The following IQSEC1 variants were observed in gnomAD, a reference collection of about 807,000 sequenced individuals.
IQSEC1 encodes IQ motif and Sec7 domain ArfGEF 1, also known as IQ motif and SEC7 domain-containing protein 1.
A neutral mutation model predicts 91.0 loss-of-function variants in IQSEC1; 31 were observed. The ratio of observed to expected loss-of-function variants is 0.34; its 90% CI spans 0.26 to 0.46. The LOEUF (loss-of-function observed/expected upper bound fraction) is 0.46, where lower values mean the gene tolerates loss of function less well. IQSEC1 is among the 20% of genes least tolerant of loss of function. The pLI is 1.00. For missense variants in IQSEC1, 1,388 were observed against 1,575.6 expected (o/e 0.88, Z 2.02); for synonymous variants, 699 against 662.6 (o/e 1.05, Z -0.84).
rs1251861663 is a variant in IQSEC1 at position 12,901,310 on chromosome 3, G to C, written c.3018C>G (p.His1006Gln). 6.5e-7 allele frequency: 1 copy of C among 1,544,448 alleles called. No homozygotes were observed. The highest frequency in any genetic ancestry group is 8.7e-7 in the Non-Finnish European group (1 of 1,145,042). The change falls in exon 14 of 14, where the codon CAC (histidine) becomes CAG (glutamine). Residue 1006 changes from histidine (H) to glutamine (Q), a missense_variant. Physicochemically the swap from His to Gln is conservative, Grantham distance 24 (BLOSUM62 0). Around this residue, in one of 2 missense-constraint regions of IQSEC1, gnomAD observed 329 missense variants for 257.8 expected, o/e 1.28. Coordinates refer to ENST00000613206, the MANE Select transcript of IQSEC1 (RefSeq NM_001134382.3). ...HPPVVLPHLQ[H>Q]SVAGHHLGPP... ...GCCCCAGGTGGTGGCCAGCCACAGAGTGCTGCAAGTGAGGCAGGACCACCG... is the reference window on the plus strand; with the variant it reads ...GCCCCAGGTGGTGGCCAGCCACAGACTGCTGCAAGTGAGGCAGGACCACCG...
chr3:13,152,206 A>C (rs1433484386), intron 2 of IQSEC1, among the ~76,000 whole-genome samples: 1 of 152,192 alleles, frequency 6.6e-6, no homozygotes, highest in East Asian at 1.9e-4. Context: ...GAAACTGTGA[A>C]ATCTTTTTAG....
chr3:13,022,598 CG>C, intron 1 of IQSEC1: 1 of 284,518 alleles, frequency 3.5e-6, no homozygotes, highest in Non-Finnish European at 5.3e-6. Flanking sequence ...GAGAGGGAGG[CG>C]GGCGGGGAGG....
At chr3:13,037,974 G>T (rs1461913799) in intron 1 of IQSEC1, among the ~76,000 whole-genome samples, 1 of 151,996 alleles carries the variant, frequency 6.6e-6, no homozygotes, top group East Asian at 1.9e-4. Context: ...CCACTGAATT[G>T]TACAATGGTT....
At chr3:13,104,579 C>T (rs1329071361) in intron 2 of IQSEC1, among the ~76,000 whole-genome samples, 1 of 152,196 alleles carries the variant, frequency 6.6e-6, no homozygotes, top group East Asian at 1.9e-4. Flanking sequence ...ATCCTCTTTC[C>T]CCTGTGCACG....
chr3:12,924,227 G>C lies in IQSEC1; in HGVS notation c.1730+354C>G, dbSNP rs780786096. ...CCTGCTCCTGCCAGCCCTGCCATGA[G>C]AAGCTGCAGGAACATGGGTCACTGA... On this transcript the variant is annotated intron_variant, in intron 4 of 13. Coordinates refer to ENST00000613206, the MANE Select transcript of IQSEC1 (RefSeq NM_001134382.3). The surrounding 1 kb of genome is among the most constrained non-coding windows in gnomAD (Gnocchi z 6.3). Among the ~76,000 whole-genome samples, 6 of 152,206 alleles carry C rather than the reference G, an allele frequency of 3.9e-5. No individual in the cohort carries two copies. Among genetic ancestry groups the C allele is most frequent in the Non-Finnish European group, 7.3e-5 (5 of 68,036 alleles).
At chr3:12,945,870 G>A (rs893283648) in intron 1 of IQSEC1, among the ~76,000 whole-genome samples, 6 of 152,218 alleles carry the variant, frequency 3.9e-5, no homozygotes, top group Non-Finnish European at 8.8e-5. Context: ...TCTGCTGCTA[G>A]GAGTATAAAT....
chr3:12,998,179 G>A (rs565941657), intron 1 of IQSEC1, among the ~76,000 whole-genome samples: 168 of 152,168 alleles, frequency 1.1e-3, no homozygotes, highest in African/African-American at 3.8e-3. Context: ...GCAAAACACC[G>A]TCTCTACTAA....
intron 2 of IQSEC1, among the ~76,000 whole-genome samples, chr3:13,161,352 G>T (rs964068716): frequency 2.0e-5 from 3 of 152,208 alleles, no homozygotes; most frequent in Non-Finnish European, 4.4e-5. Flanking sequence ...CTCCCCTCTA[G>T]CGGGTCTGGA....
At chr3:12,964,728 TCCTTAAGTCTCAAGCTGC>T (rs1339549529) in intron 1 of IQSEC1, among the ~76,000 whole-genome samples, 1 of 152,114 alleles carries the variant, frequency 6.6e-6, no homozygotes, top group East Asian at 1.9e-4. Flanking sequence ...GGCCCTTCTT[TCCTTAAGTCTCAAGCTGC>T]CCTGGATTCC....
intron 1 of IQSEC1, among the ~76,000 whole-genome samples, chr3:13,040,172 G>A (rs1475793010): frequency 2.0e-5 from 3 of 152,140 alleles, no homozygotes; most frequent in African/African-American, 7.2e-5. Context: ...CACACCATAC[G>A]TTTGTTCGTG....
At chr3:13,021,059 T>G (rs1191478394) in intron 1 of IQSEC1, among the ~76,000 whole-genome samples, 1 of 152,208 alleles carries the variant, frequency 6.6e-6, no homozygotes, top group Admixed American at 6.5e-5. Flanking sequence ...AATCCACCCC[T>G]TTAAATAAAA....
At chr3:12,929,704 G>C (rs904408225) in intron 3 of IQSEC1, among the ~76,000 whole-genome samples, 1 of 152,250 alleles carries the variant, frequency 6.6e-6, no homozygotes. Context: ...TCTTTCTTTA[G>C]CTCTTCTTGA....
At chr3:13,261,437 C>T (rs1036916025) in intron 1 of IQSEC1, among the ~76,000 whole-genome samples, 1 of 152,310 alleles carries the variant, frequency 6.6e-6, no homozygotes, top group South Asian at 2.1e-4. Context: ...ACCCATCCAG[C>T]CCCTCGAATG....
At chr3:13,049,494 G>A (rs1704613279) in intron 1 of IQSEC1, among the ~76,000 whole-genome samples, 2 of 152,136 alleles carry the variant, frequency 1.3e-5, no homozygotes, top group South Asian at 4.1e-4. Context: ...TGAGGTACAT[G>A]GAATCATGCT....
chr3:13,200,706 G>A (rs1444252861), intron 1 of IQSEC1, among the ~76,000 whole-genome samples: 21 of 152,202 alleles, frequency 1.4e-4, no homozygotes, highest in Non-Finnish European at 2.1e-4. Flanking sequence ...GGCACAGCAG[G>A]GAGGGCGAGC....
At chr3:12,902,687 A>C (rs1694488221) in intron 13 of IQSEC1, 86 bp downstream of exon 13, 3 of 680,572 alleles carry the variant, frequency 4.4e-6, no homozygotes, top group African/African-American at 3.7e-5. Context: ...AAAAAAAAAA[A>C]AAAAAAACCA....
chr3:12,906,659 G>A (rs1424744730), intron 12 of IQSEC1, among the ~76,000 whole-genome samples: 2 of 152,218 alleles, frequency 1.3e-5, no homozygotes, highest in Non-Finnish European at 2.9e-5. Flanking sequence ...GCAGCTGGCC[G>A]TGGGCCCACC....
At chr3:12,920,651 C>G (rs1559623450) in intron 5 of IQSEC1, 55 bp from the exon 6 acceptor site, 2 of 1,561,486 alleles carry the variant, frequency 1.3e-6, no homozygotes, top group Non-Finnish European at 1.8e-6. Context: ...GACACGGCCC[C>G]TCTCTCACCC....
At chr3:13,189,151 C>T (rs1693979910) in intron 1 of IQSEC1, among the ~76,000 whole-genome samples, 2 of 152,332 alleles carry the variant, frequency 1.3e-5, no homozygotes, top group Admixed American at 6.5e-5. Flanking sequence ...TGCTCTGTGA[C>T]CCCACACTGC....
Sources: gnomAD v4.1 joint callset for allele counts (sites outside exome capture counted in the v4.1 genomes callset) on GRCh38, gnomAD v4.1.1 for gene constraint, gnomAD v4.1.1 regional missense constraint, Gnocchi (gnomAD v3.1) non-coding constraint, MANE v1.5 for transcripts, NCBI Gene and HGNC (gene_info 2026-07-23, HGNC 2026-07-21) for gene names.